NAA35: variants seen among roughly 807,000 people sequenced by gnomAD.
NAA35 encodes the protein MAK10 homolog, amino-acid N-acetyltransferase subunit.
In NAA35, 18 loss-of-function variants were observed where a neutral mutation model predicts 101.7. That is an observed-to-expected ratio of 0.18 (90% CI 0.12 to 0.26). The LOEUF is 0.26. Among genes scored for constraint, NAA35 ranks in the 10% least tolerant of loss-of-function variants. The pLI is 1.00. For synonymous variants in NAA35, 267 were observed against 273.1 expected (o/e 0.98, Z 0.22); for missense variants, 601 against 886.8 (o/e 0.68, Z 4.09).
rs572659778 is a variant in NAA35 at position 85,949,624 on chromosome 9, T to G, written c.125-6736T>G. ...TTTCCTATTTTTTATGTCTTTTTCC[T>G]CAACTTCATCTTCCAGATCTTTCAT... On this transcript the variant is annotated intron_variant, in intron 2 of 22. Transcript: ENST00000361671. Among the ~76,000 whole-genome samples, 81 of 152,246 alleles carry G rather than the reference T, an allele frequency of 5.3e-4. 1 individual carries two copies. Among genetic ancestry groups the G allele is most frequent in the African/African-American group, 1.9e-3 (79 of 41,532 alleles).
At position 86,015,639 on chromosome 9, in the gene NAA35, C is replaced by T. The variant is rs991013832; in HGVS notation, c.1569-900C>T. 5.8e-5 allele frequency: 44 copies of T among 755,620 alleles called. 1 individual carries two copies. In the South Asian group the frequency reaches 2.3e-3, roughly 39 times the overall value. The allele number at this position is 755,620 out of a possible 1,614,324, so 46.8% of individuals were successfully genotyped here. On this transcript the variant is annotated intron_variant, in intron 17 of 22. Coordinates refer to ENST00000361671, the MANE Select transcript of NAA35 (RefSeq NM_024635.4). ...GGCCCAGAGATGACAGTTTGAGAAC[C>T]ATTGGTATAGAATATCAGCACTCTC... is the stretch of plus-strand genomic sequence containing the variant.
chr9:85,953,610 G>A (rs1290114083), intron 2 of NAA35, among the ~76,000 whole-genome samples: 1 of 151,118 alleles, frequency 6.6e-6, no homozygotes, highest in Non-Finnish European at 1.5e-5. Flanking sequence ...ATTTTTTTTG[G>A]TAGAGATGGG....
intron 2 of NAA35, among the ~76,000 whole-genome samples, chr9:85,949,515 G>A (rs938953606): frequency 6.6e-6 from 1 of 151,766 alleles, no homozygotes; most frequent in Non-Finnish European, 1.5e-5. Context: ...GGCTGGTCTC[G>A]AACTCCTGAC....
At chr9:86,012,972 A>G in intron 15 of NAA35, 74 bp from the exon 16 acceptor site, 1 of 1,021,854 alleles carries the variant, frequency 9.8e-7, no homozygotes, top group Non-Finnish European at 1.4e-6. Context: ...CCAGATTGTG[A>G]ACTTGGAATG....
At chr9:85,971,566 T>C (rs1022592302) in intron 6 of NAA35, among the ~76,000 whole-genome samples, 1 of 152,206 alleles carries the variant, frequency 6.6e-6, no homozygotes, top group African/African-American at 2.4e-5. Flanking sequence ...CCTCTAGGCT[T>C]GAGTCTTTCC....
chr9:85,962,408 T>G (rs1484246376), intron 6 of NAA35, among the ~76,000 whole-genome samples: 1 of 142,506 alleles, frequency 7.0e-6, no homozygotes, highest in Non-Finnish European at 1.5e-5. Context: ...TGAGAGTTGC[T>G]TGAACCCAGG....
intron 13 of NAA35, among the ~76,000 whole-genome samples, chr9:86,006,508 A>G (rs894787409): frequency 6.6e-6 from 1 of 152,210 alleles, no homozygotes; most frequent in African/African-American, 2.4e-5. Context: ...AATGCCAATG[A>G]ATCTCCACTG....
rs763258929 is a variant in NAA35, at chr9:86,017,535, A to T, written c.1743A>T (p.Ala581=). The change falls in exon 19 of 23, where the codon GCA becomes GCT. Residue 581 remains alanine (A), a synonymous_variant. Transcript: ENST00000361671. ...GCCGAGAGATCACAATGAGCCAAGC[A>T]TATCAGAACATGTGTGCTGGAATGT... ...PLSREITMSQ[A]YQNMCAGMFK... is the part of the protein sequence containing the mutation. 1.9e-6 allele frequency: 3 copies of T among 1,613,758 alleles called. No homozygotes were observed. The South Asian group carries it at 3.3e-5, about 18-fold the overall frequency.
rs1351355604 is a variant in NAA35 at position 86,009,850 on chromosome 9, A to C, written c.1224-15A>C. 6.3e-7 allele frequency: 1 copy of C among 1,598,626 alleles called. No individual in the cohort carries two copies. Among genetic ancestry groups the C allele is most frequent in the South Asian group, 1.1e-5 (1 of 90,232 alleles). The stretch of plus-strand genomic sequence containing the variant: ...GGGCTGAATAGATTTTAATGATGTG[A>C]CTGTTATCTTGCAGGTGCTACCTAT... On this transcript the variant is annotated splice_polypyrimidine_tract_variant and intron_variant, in intron 14 of 22. Transcript: ENST00000361671.
intron 2 of NAA35, among the ~76,000 whole-genome samples, chr9:85,948,698 C>T (rs1828872484): frequency 6.6e-6 from 1 of 152,148 alleles, no homozygotes; most frequent in Non-Finnish European, 1.5e-5. Flanking sequence ...TGATCTTTTG[C>T]TATTAAGAAA....
In NAA35 at chr9:86,024,666, A is replaced by G. The variant is rs1470839714; in HGVS notation, c.*2706A>G. ...CCAAAATCAAGGATGATTTTTCAGA[A>G]ATTTTTTTGGCTTTGGCAACTAGAC... is the stretch of plus-strand genomic sequence containing the variant. On this transcript the variant is annotated 3_prime_UTR_variant, in exon 23 of 23. Coordinates refer to ENST00000361671, the MANE Select transcript of NAA35 (RefSeq NM_024635.4). Among the ~76,000 whole-genome samples, 2 of 152,162 alleles carry G rather than the reference A, an allele frequency of 1.3e-5. No individual in the cohort carries two copies. Among genetic ancestry groups the G allele is most frequent in the East Asian group, 1.9e-4 (1 of 5,202 alleles).
At chr9:85,992,136 T>A (rs1217702598) in intron 11 of NAA35, among the ~76,000 whole-genome samples, 2 of 148,690 alleles carry the variant, frequency 1.3e-5, no homozygotes, top group Non-Finnish European at 3.0e-5. Flanking sequence ...ATTGTGCCAC[T>A]GCACTCCAGC....
chr9:85,962,860 G>A (rs1489363107), intron 6 of NAA35, among the ~76,000 whole-genome samples: 4 of 152,136 alleles, frequency 2.6e-5, no homozygotes, highest in African/African-American at 9.7e-5. Flanking sequence ...ACAAAGATAT[G>A]AATATTTTAG....
intron 2 of NAA35, among the ~76,000 whole-genome samples, chr9:85,943,763 A>C (rs1371334464): frequency 6.6e-6 from 1 of 152,098 alleles, no homozygotes; most frequent in African/African-American, 2.4e-5. Flanking sequence ...GTCATTATTA[A>C]CCTAAATAGG....
At chr9:85,963,033 G>T (rs533995868) in intron 6 of NAA35, among the ~76,000 whole-genome samples, 36 of 152,110 alleles carry the variant, frequency 2.4e-4, no homozygotes, top group Non-Finnish European at 5.0e-4. Flanking sequence ...ACAAAAAAAA[G>T]AATTGTAAGG....
At chr9:85,955,360 A>ATATATATATATTTTTT (rs749448250) in intron 2 of NAA35, among the ~76,000 whole-genome samples, 1 of 53,932 alleles carries the variant, frequency 1.9e-5, no homozygotes, top group Non-Finnish European at 3.0e-5. Context: ...ATATATATAT[A>ATATATATATATTTTTT]TTTTTTTTTT....
At chr9:85,951,275 C>A (rs1829009861) in intron 2 of NAA35, among the ~76,000 whole-genome samples, 2 of 152,144 alleles carry the variant, frequency 1.3e-5, no homozygotes, top group Non-Finnish European at 2.9e-5. Flanking sequence ...ACTTCAATGT[C>A]TGGCATAACA....
intron 2 of NAA35, among the ~76,000 whole-genome samples, chr9:85,954,358 C>T (rs1007044288): frequency 6.6e-6 from 1 of 152,238 alleles, no homozygotes; most frequent in African/African-American, 2.4e-5. Flanking sequence ...GCTGGGATTA[C>T]AGGTGTGAGC....
At position 85,996,678 on chromosome 9, in the gene NAA35, A is replaced by G. The variant is rs1831174176; in HGVS notation, c.1056+101A>G. 9.6e-6 allele frequency: 8 copies of G among 833,492 alleles called. No individual in the cohort carries two copies. In the South Asian group the frequency reaches 1.4e-4, roughly 14 times the overall value. 51.6% of individuals were successfully genotyped at this position (833,492 alleles called of 1,614,324 possible). A position where few individuals can be genotyped will look rare whatever the true frequency, so the allele number is the denominator to read the frequency against. On this transcript the variant is annotated intron_variant, in intron 12 of 22. Transcript: ENST00000361671. ...GTGGTAACTTTGGTTTAACAACAGA[A>G]TAATTGATTGCTTTATAGACATTGA...
Sources: allele counts gnomAD v4.1 joint callset (sites outside exome capture counted in the v4.1 genomes callset), GRCh38; gene constraint gnomAD v4.1.1; transcripts MANE v1.5; gene names NCBI Gene and HGNC (gene_info 2026-07-23, HGNC 2026-07-21).